Variants in MARCHF1 observed in about 807,000 individuals in gnomAD.
MARCHF1 encodes the protein E3 ubiquitin-protein ligase MARCHF1.
In MARCHF1, 40 loss-of-function variants were observed where a neutral mutation model predicts 54.2. That is an observed-to-expected ratio of 0.74 (90% CI 0.57 to 0.96). The LOEUF is 0.96. Among genes scored for constraint, MARCHF1 ranks in the 40% least tolerant of loss-of-function variants. The pLI, the probability that MARCHF1 is intolerant of heterozygous loss-of-function variation, is 0.00. For synonymous variants in MARCHF1, 236 were observed against 236.3 expected (o/e 1.00, Z 0.01); for missense variants, 586 against 656.5 (o/e 0.89, Z 1.17).
chr4:163,667,753 G>T (rs535774717), intron 5 of MARCHF1, among the ~76,000 whole-genome samples: 1 of 151,902 alleles, frequency 6.6e-6, no homozygotes, highest in African/African-American at 2.4e-5. Flanking sequence ...AGCCTCCCGA[G>T]TAACTGGAAT....
intron 1 of MARCHF1, among the ~76,000 whole-genome samples, chr4:164,237,394 G>A (rs978484182): frequency 1.3e-5 from 2 of 151,914 alleles, no homozygotes; most frequent in Non-Finnish European, 2.9e-5. Flanking sequence ...GCTTGGCATT[G>A]CTCTATGCTG....
intron 1 of MARCHF1, among the ~76,000 whole-genome samples, chr4:164,220,354 C>T (rs990609851): frequency 1.4e-5 from 2 of 145,628 alleles, no homozygotes; most frequent in African/African-American, 2.5e-5. Flanking sequence ...ATATGAATCC[C>T]TATATACATA....
chr4:163,669,688 T>C (rs1279027092), intron 5 of MARCHF1, among the ~76,000 whole-genome samples: 2 of 151,496 alleles, frequency 1.3e-5, no homozygotes, highest in South Asian at 2.1e-4. Flanking sequence ...AACCTCTGCC[T>C]CCCCAGTTCA....
chr4:164,045,497 G>A (rs960000126), intron 2 of MARCHF1, among the ~76,000 whole-genome samples: 1 of 147,856 alleles, frequency 6.8e-6, no homozygotes, highest in Non-Finnish European at 1.5e-5. Flanking sequence ...GGGTGGTGGA[G>A]TGAGACTCCA....
chr4:164,062,893 T>A (rs1177516386), intron 2 of MARCHF1, among the ~76,000 whole-genome samples: 1 of 152,166 alleles, frequency 6.6e-6, no homozygotes, highest in Non-Finnish European at 1.5e-5. Context: ...ACAGAATGGA[T>A]GTTATGTTAG....
chr4:163,916,379 G>A (rs1210856165), intron 3 of MARCHF1, among the ~76,000 whole-genome samples: 2 of 152,160 alleles, frequency 1.3e-5, no homozygotes, highest in African/African-American at 4.8e-5. Context: ...TCCCACTCTA[G>A]TACAGTAGAA....
At chr4:163,882,880 G>A (rs1750447758) in intron 3 of MARCHF1, among the ~76,000 whole-genome samples, 1 of 152,132 alleles carries the variant, frequency 6.6e-6, no homozygotes, top group African/African-American at 2.4e-5. Flanking sequence ...AGGAGGCTGA[G>A]GTAGGAGGAT....
At chr4:163,946,602 T>G (rs1752031241) in intron 3 of MARCHF1, among the ~76,000 whole-genome samples, 1 of 152,194 alleles carries the variant, frequency 6.6e-6, no homozygotes, top group South Asian at 2.1e-4. Context: ...ATGTGACTAT[T>G]TCCCTAATCT....
At chr4:163,672,663 C>G (rs1383016703) in intron 5 of MARCHF1, among the ~76,000 whole-genome samples, 2 of 151,964 alleles carry the variant, frequency 1.3e-5, no homozygotes, top group Non-Finnish European at 2.9e-5. Context: ...CTATATTTTC[C>G]TATTACTGCT....
chr4:163,610,685 T>C (rs1402999321), intron 7 of MARCHF1, among the ~76,000 whole-genome samples: 1 of 152,128 alleles, frequency 6.6e-6, no homozygotes, highest in Admixed American at 6.6e-5. Context: ...AGATCATAAT[T>C]AAAAGATTAT....
At chr4:164,141,092 G>A (rs1164681227) in intron 1 of MARCHF1, among the ~76,000 whole-genome samples, 2 of 152,164 alleles carry the variant, frequency 1.3e-5, no homozygotes, top group Non-Finnish European at 2.9e-5. Flanking sequence ...ATCACTTGCT[G>A]ACTTTATCTT....
intron 3 of MARCHF1, among the ~76,000 whole-genome samples, chr4:163,938,424 C>T (rs1751845944): frequency 6.6e-6 from 1 of 152,122 alleles, no homozygotes; most frequent in Non-Finnish European, 1.5e-5. Flanking sequence ...TTGTACTGAT[C>T]TCTGCTCTTA....
chr4:164,030,114 A>G (rs1288766060), intron 2 of MARCHF1, among the ~76,000 whole-genome samples: 1 of 152,178 alleles, frequency 6.6e-6, no homozygotes, highest in Admixed American at 6.5e-5. Flanking sequence ...TCTTCTATTT[A>G]TAAATATTTC....
chr4:164,189,026 G>A, intron 1 of MARCHF1: 1 of 693,456 alleles, frequency 1.4e-6, no homozygotes, highest in Non-Finnish European at 2.6e-6. Flanking sequence ...GAGGGAGGGG[G>A]AGAAGACATC....
At chr4:164,228,156 G>A (rs996216946) in intron 1 of MARCHF1, among the ~76,000 whole-genome samples, 1 of 152,098 alleles carries the variant, frequency 6.6e-6, no homozygotes, top group Admixed American at 6.6e-5. Context: ...ATAAGCACCT[G>A]GGGGGAAGCA....
At chr4:163,889,408 C>T (rs1049805717) in intron 3 of MARCHF1, among the ~76,000 whole-genome samples, 8 of 152,124 alleles carry the variant, frequency 5.3e-5, no homozygotes, top group African/African-American at 1.9e-4. Context: ...AAGCCTCATC[C>T]TTGATGACTA....
chr4:164,024,172 T>C (rs1445847430), intron 2 of MARCHF1, among the ~76,000 whole-genome samples: 4 of 152,122 alleles, frequency 2.6e-5, no homozygotes, highest in Admixed American at 1.3e-4. Flanking sequence ...TTGGAGGGCA[T>C]AGTCCATGAA....
intron 1 of MARCHF1, among the ~76,000 whole-genome samples, chr4:164,366,245 A>G (rs1453247639): frequency 6.6e-6 from 1 of 152,164 alleles, no homozygotes; most frequent in East Asian, 1.9e-4. Context: ...GTCCATTCCA[A>G]TAAACAGTCC....
intron 3 of MARCHF1, among the ~76,000 whole-genome samples, chr4:163,982,780 C>T (rs575383029): frequency 6.6e-6 from 1 of 152,230 alleles, no homozygotes; most frequent in African/African-American, 2.4e-5. Context: ...AACCTTTTCC[C>T]TCAGTATATC....
Sources: allele counts gnomAD v4.1 joint callset (sites outside exome capture counted in the v4.1 genomes callset), GRCh38; gene constraint gnomAD v4.1.1; transcripts MANE v1.5; gene names NCBI Gene and HGNC (gene_info 2026-07-23, HGNC 2026-07-21).